The following SPATS2L variants were observed in gnomAD, a reference collection of about 807,000 sequenced individuals.
SPATS2L encodes the protein spermatogenesis associated serine rich 2 like.
Under a neutral mutation model 59.6 loss-of-function variants are expected in SPATS2L, and 30 were observed. That is an observed-to-expected ratio of 0.50 (90% CI 0.38 to 0.68). The LOEUF (loss-of-function observed/expected upper bound fraction) is 0.68. Ranked by LOEUF, SPATS2L falls within the 30% of genes least tolerant of loss-of-function variation. The pLI is 0.00. For missense variants in SPATS2L, 615 were observed against 700.0 expected, an observed-to-expected ratio of 0.88 and a Z score of 1.37; for synonymous variants, 252 against 263.5, an observed-to-expected ratio of 0.96 and a Z score of 0.42.
chr2:200,380,983 G>T (rs763213782), intron 2 of SPATS2L, among the ~76,000 whole-genome samples: 7 of 152,120 alleles, frequency 4.6e-5, no homozygotes, highest in Non-Finnish European at 8.8e-5. Context: ...CAGAAACAAA[G>T]AGCAAAAACA....
chr2:200,334,433 C>T (rs1233941243), intron 2 of SPATS2L, among the ~76,000 whole-genome samples: 16 of 151,908 alleles, frequency 1.1e-4, no homozygotes, highest in South Asian at 8.3e-4. Flanking sequence ...GAGTAGGTTG[C>T]GAAAATTTTC....
chr2:200,355,561 C>T (rs748991820), intron 2 of SPATS2L, among the ~76,000 whole-genome samples: 1 of 152,312 alleles, frequency 6.6e-6, no homozygotes, highest in South Asian at 2.1e-4. Context: ...TTTCCACACA[C>T]GATTGTTCTT....
Position 200,481,169 on chromosome 2 carries a change from T to C in SPATS2L, c.*3138T>C, listed in dbSNP as rs2106267480. 1 of 152,312 alleles carries C rather than the reference T, an allele frequency of 6.6e-6. No individual in the cohort carries two copies. The highest frequency in any genetic ancestry group is 1.9e-4 in the East Asian group (1 of 5,190). 9.4% of individuals were successfully genotyped at this position (152,312 alleles called of 1,614,324 possible). Reference sequence around the variant, plus strand: ...AAGTTAAACGCAAATTGCTGCAAAATTCACCCTCAGTGGAGGACTAGAAAC... The same window carrying C: ...AAGTTAAACGCAAATTGCTGCAAAACTCACCCTCAGTGGAGGACTAGAAAC... On this transcript the variant is annotated 3_prime_UTR_variant, in exon 13 of 13. Coordinates refer to ENST00000409140, the MANE Select transcript of SPATS2L (RefSeq NM_001100423.2).
chr2:200,460,871 G>C (rs1032925799), intron 9 of SPATS2L: 1 of 151,398 alleles, frequency 6.6e-6, no homozygotes, highest in Non-Finnish European at 1.5e-5. Flanking sequence ...GGAGTGCAGT[G>C]GCACAATCTC....
chr2:200,371,171 A>G (rs980257854), intron 2 of SPATS2L, among the ~76,000 whole-genome samples: 2 of 152,220 alleles, frequency 1.3e-5, no homozygotes, highest in East Asian at 1.9e-4. Flanking sequence ...ATACATGTAT[A>G]TATGTATCTC....
rs376214574 is a variant in SPATS2L, at chr2:200,447,645, G to A, written c.788+6861G>A. Among the ~76,000 whole-genome samples the A allele has an allele frequency of 3.3e-5, 5 of 152,152 alleles. No individual in the cohort carries two copies. The East Asian group carries it at 5.8e-4, about 18-fold the overall frequency. The stretch of plus-strand genomic sequence containing the variant: ...GTCAAGATTCCATTGTTAAAGCAAC[G>A]TGGCTGAAATTTGATAGTAAACACT... On this transcript the variant is annotated intron_variant, in intron 8 of 12. Transcript: ENST00000409140.
chr2:200,459,165 A>G (rs2086067597), intron 8 of SPATS2L, among the ~76,000 whole-genome samples: 1 of 152,206 alleles, frequency 6.6e-6, no homozygotes, highest in South Asian at 2.1e-4. Flanking sequence ...ACCTTTTCGA[A>G]GGACTAACCA....
Position 200,445,936 on chromosome 2 carries a change from C to T in SPATS2L, c.788+5152C>T, listed in dbSNP as rs547720228. ...GATGCCTATATATTAATATCTACTTCTTTCCATACCAAAGTATATGTGTGT... is the reference window on the plus strand; with the variant it reads ...GATGCCTATATATTAATATCTACTTTTTTCCATACCAAAGTATATGTGTGT... On this transcript the variant is annotated intron_variant, in intron 8 of 12. Transcript: ENST00000409140. Among the ~76,000 whole-genome samples, 4 of 152,266 alleles carry T rather than the reference C, an allele frequency of 2.6e-5. No homozygotes were observed. The South Asian group carries it at 8.3e-4, about 32-fold the overall frequency.
At position 200,358,420 on chromosome 2, in the gene SPATS2L, T is replaced by C. The variant is rs74898126; in HGVS notation, c.-23+28940T>C. ...TAGTATTCATTTGGCTAAATTATCT[T>C]AGAGCTAAATTCTATGGCTAGAAAT... On this transcript the variant is annotated intron_variant, in intron 2 of 12. Transcript: ENST00000409140. Among the ~76,000 whole-genome samples, 24 of 152,346 alleles carry C rather than the reference T, an allele frequency of 1.6e-4. No homozygotes were observed. The East Asian group carries it at 4.4e-3, about 28-fold the overall frequency.
intron 2 of SPATS2L, among the ~76,000 whole-genome samples, chr2:200,339,579 G>A (rs1189911570): frequency 6.6e-6 from 1 of 152,098 alleles, no homozygotes; most frequent in Non-Finnish European, 1.5e-5. Context: ...AATAGATTCA[G>A]TACCTAAAAC....
At chr2:200,390,762 C>G (rs1439295665) in intron 3 of SPATS2L, 1 of 151,724 alleles carries the variant, frequency 6.6e-6, no homozygotes. Flanking sequence ...ATCCATGGGT[C>G]CATGAATGTA....
At position 200,353,792 on chromosome 2, in the gene SPATS2L, CAG is replaced by C. The variant is rs143754391; in HGVS notation, c.-23+24314_-23+24315del. Among the ~76,000 whole-genome samples the C allele has an allele frequency of 1.5e-3, 225 of 152,286 alleles. 1 individual carries two copies. Among genetic ancestry groups the C allele is most frequent in the African/African-American group, 5.0e-3 (207 of 41,576 alleles). ...ACAAGTACTGTGCCGTGGTCTAAAA[CAG>C]AAATATGCACCACTATTGTAGGAAA... On this transcript the variant is annotated intron_variant, in intron 2 of 12. Coordinates refer to ENST00000409140, the MANE Select transcript of SPATS2L (RefSeq NM_001100423.2).
In SPATS2L at chr2:200,324,337, C is replaced by T. The variant is rs138471936; in HGVS notation, c.-72-5094C>T. On this transcript the variant is annotated intron_variant, in intron 1 of 12. Transcript: ENST00000409140. Reference sequence around the variant, plus strand: ...GGACATTTTAGACAAACCTCTGTGACTGCTTTGCAGTAGAGAGCCCACCCA... The same window carrying T: ...GGACATTTTAGACAAACCTCTGTGATTGCTTTGCAGTAGAGAGCCCACCCA... 1.6e-4 allele frequency among the ~76,000 whole-genome samples: 25 copies of T among 152,286 alleles called. No homozygotes were observed. In the East Asian group the frequency reaches 3.9e-3, roughly 24 times the overall value.
chr2:200,440,094 G>A (rs1055062912), intron 7 of SPATS2L, among the ~76,000 whole-genome samples: 2 of 152,228 alleles, frequency 1.3e-5, no homozygotes, highest in Non-Finnish European at 2.9e-5. Flanking sequence ...AGACCCTGGT[G>A]ACAGTTGCAG....
intron 6 of SPATS2L, among the ~76,000 whole-genome samples, chr2:200,421,206 A>T (rs2083295329): frequency 6.6e-6 from 1 of 152,176 alleles, no homozygotes; most frequent in Non-Finnish European, 1.5e-5. Flanking sequence ...TTTGGGGAAG[A>T]GAGGTGCAGT....
chr2:200,467,463 T>C, intron 10 of SPATS2L, 64 bp downstream of exon 10: 1 of 1,171,628 alleles, frequency 8.5e-7, no homozygotes, highest in South Asian at 1.3e-5. Flanking sequence ...TATGTTTGTT[T>C]TGCATCCACA....
chr2:200,389,316 C>T (rs1412474619), intron 3 of SPATS2L, 33 bp downstream of exon 3: 1 of 1,484,378 alleles, frequency 6.7e-7, no homozygotes, highest in South Asian at 1.2e-5. Flanking sequence ...CTCACAGAAA[C>T]TCCAAACTAG....
At chr2:200,447,446 C>G (rs1431112903) in intron 8 of SPATS2L, among the ~76,000 whole-genome samples, 1 of 152,138 alleles carries the variant, frequency 6.6e-6, no homozygotes, top group Non-Finnish European at 1.5e-5. Context: ...ATTAGGAGAT[C>G]ACTGGAATTG....
At chr2:200,387,308 G>A (rs540502818) in intron 2 of SPATS2L, among the ~76,000 whole-genome samples, 1 of 152,310 alleles carries the variant, frequency 6.6e-6, no homozygotes, top group East Asian at 1.9e-4. Flanking sequence ...ACCATTTGGA[G>A]GGTGTTTTCA....
Sources: allele counts gnomAD v4.1 joint callset (sites outside exome capture counted in the v4.1 genomes callset), GRCh38; gene constraint gnomAD v4.1.1; transcripts MANE v1.5; gene names NCBI Gene and HGNC (gene_info 2026-07-23, HGNC 2026-07-21).